Variants in TYW1B observed in about 807,000 individuals in gnomAD.
The protein encoded by TYW1B is tRNA-yW synthesizing protein 1 homolog B, also known as S-adenosyl-L-methionine-dependent tRNA 4-demethylwyosine synthase TYW1B.
Under a neutral mutation model 86.9 loss-of-function variants are expected in TYW1B, and 73 were observed. The observed-to-expected ratio is 0.84, with a 90% CI of 0.70 to 1.02. The LOEUF (loss-of-function observed/expected upper bound fraction) is 1.02, where lower values mean the gene tolerates loss of function less well. TYW1B is among the 50% of genes least tolerant of loss of function. The probability of loss-of-function intolerance (pLI) is 0.00; values close to 1 mark genes in which losing one functional copy is unlikely to be tolerated. For synonymous variants in TYW1B, 248 were observed against 292.8 expected (o/e 0.85, Z 1.56); for missense variants, 637 against 827.4 (o/e 0.77, Z 2.82).
At chr7:72,623,572 C>T (rs13243371) in intron 12 of TYW1B, among the ~76,000 whole-genome samples, 1,877 of 152,232 alleles carry the variant, frequency 0.012, 30 homozygotes, top group African/African-American at 0.043. Flanking sequence ...AAACCCTAGT[C>T]CTGTCTACTA....
intron 7 of TYW1B, among the ~76,000 whole-genome samples, chr7:72,752,765 CTCA>C (rs1237209003): frequency 9.2e-6 from 1 of 108,882 alleles, no homozygotes; most frequent in Non-Finnish European, 2.1e-5. Flanking sequence ...ACAAAAAAAC[CTCA>C]TCAACTTGTA....
At chr7:72,759,701 C>T (rs1210766510) in intron 7 of TYW1B, among the ~76,000 whole-genome samples, 1 of 152,186 alleles carries the variant, frequency 6.6e-6, no homozygotes, top group Non-Finnish European at 1.5e-5. Context: ...ATGAAACTCA[C>T]TGCTTATGGC....
At chr7:72,783,327 G>A (rs1554471923) in intron 6 of TYW1B, among the ~76,000 whole-genome samples, 2 of 150,922 alleles carry the variant, frequency 1.3e-5, no homozygotes. Context: ...GAACCTAGCA[G>A]GCGGAGGTTG....
chr7:72,815,308 T>C (rs1171342401), intron 3 of TYW1B, 72 bp downstream of exon 3: 1 of 1,314,530 alleles, frequency 7.6e-7, no homozygotes. Context: ...AGTTATCTAA[T>C]TAAATTTACT....
intron 13 of TYW1B, among the ~76,000 whole-genome samples, chr7:72,614,911 CAG>C (rs1812032916): frequency 6.6e-6 from 1 of 152,188 alleles, no homozygotes. Context: ...AAAAGCTAGA[CAG>C]GGGCCAAGAT....
At chr7:72,698,117 G>T (rs2844223) in intron 10 of TYW1B, 1 of 152,636 alleles carries the variant, frequency 6.6e-6, no homozygotes, top group Admixed American at 6.6e-5. Context: ...AGACAATCTG[G>T]GGCTGTCAGA....
chr7:72,693,860 T>C (rs1554450889), intron 11 of TYW1B, among the ~76,000 whole-genome samples: 2 of 152,166 alleles, frequency 1.3e-5, no homozygotes, highest in South Asian at 4.1e-4. Context: ...TTACATGGCA[T>C]TTACATTGTA....
intron 13 of TYW1B, among the ~76,000 whole-genome samples, chr7:72,604,403 A>G (rs1224810566): frequency 6.6e-6 from 1 of 152,150 alleles, no homozygotes; most frequent in Non-Finnish European, 1.5e-5. Context: ...TGGAGGTTGC[A>G]GCGAGCTGAG....
rs782379557 is a variant in TYW1B at position 72,777,533 on chromosome 7, T to A, written c.847A>T (p.Arg283Ter). Residue 283 changes from arginine to a stop codon, truncating the protein, a stop_gained and splice_region_variant, in exon 7 of 14, where the codon AGA (arginine) becomes TGA (stop). Coordinates refer to ENST00000620995, the MANE Select transcript of TYW1B (RefSeq NM_001145440.3). LOFTEE classifies it high-confidence loss of function. ...KIMDHVKKEK[R>*]EKEQQEEKSG... ...TTCTCTTCCTGCTGTTCCTTTTCTC[T>A]CTGCATTAAAATAAAAGAATGAAAT... 1.2e-5 allele frequency: 19 copies of A among 1,613,460 alleles called. No individual in the cohort carries two copies. The Admixed American group carries it at 3.0e-4, about 26-fold the overall frequency.
chr7:72,811,766 G>A (rs1788623689), intron 3 of TYW1B, among the ~76,000 whole-genome samples: 1 of 151,530 alleles, frequency 6.6e-6, no homozygotes, highest in Non-Finnish European at 1.5e-5. Context: ...ACAAAAACTA[G>A]GCAGGCGTGG....
intron 11 of TYW1B, among the ~76,000 whole-genome samples, chr7:72,654,451 C>A (rs1554443326): frequency 6.6e-6 from 1 of 152,162 alleles, no homozygotes; most frequent in Non-Finnish European, 1.5e-5. Flanking sequence ...GAGAAACTGT[C>A]CAGCCTAGAG....
chr7:72,632,411 A>ACG (rs1563038808), intron 11 of TYW1B, among the ~76,000 whole-genome samples: 123 of 109,954 alleles, frequency 1.1e-3, no homozygotes, highest in African/African-American at 4.9e-3. Flanking sequence ...ATATATATAT[A>ACG]CATATATATA....
At chr7:72,592,643 T>C (rs1397982321) in intron 13 of TYW1B, among the ~76,000 whole-genome samples, 1 of 152,190 alleles carries the variant, frequency 6.6e-6, no homozygotes, top group Non-Finnish European at 1.5e-5. Flanking sequence ...CTATGCTATC[T>C]ACAATAGATT....
rs1554481830 is a variant in TYW1B, at chr7:72,828,119, G to A, written c.-44C>T. 2 of 1,612,798 alleles carry A rather than the reference G, an allele frequency of 1.2e-6. No individual in the cohort carries two copies. Among genetic ancestry groups the A allele is most frequent in the Admixed American group, 1.7e-5 (1 of 59,772 alleles). Reference sequence around the variant, plus strand: ...GAGACTAGGATCTCGGACCTGGAGAGCCCAAAGGTTCGCACTGGTACTGCG... The same window carrying A: ...GAGACTAGGATCTCGGACCTGGAGAACCCAAAGGTTCGCACTGGTACTGCG... On this transcript the variant is annotated 5_prime_UTR_variant, in exon 1 of 14. Coordinates refer to ENST00000620995, the MANE Select transcript of TYW1B (RefSeq NM_001145440.3).
At chr7:72,603,880 A>G (rs1306177785) in intron 13 of TYW1B, among the ~76,000 whole-genome samples, 1 of 152,194 alleles carries the variant, frequency 6.6e-6, no homozygotes, top group Non-Finnish European at 1.5e-5. Flanking sequence ...AAATAAGGAA[A>G]GTCTGAGAAC....
rs782515973 is a variant in TYW1B at position 72,810,505 on chromosome 7, A to C, written c.398T>G (p.Leu133Arg). ...LKGMRDAVFG[L>R]GNSAYASHFN... ...GTGGCTAGCATAGGCAGAATTTCCC[A>C]GGCCAAATACCGCATCTCTCATACC... Residue 133 changes from leucine (L) to arginine (R), a missense_variant, in exon 4 of 14, where the codon CTG becomes CGG. Coordinates refer to ENST00000620995, the MANE Select transcript of TYW1B (RefSeq NM_001145440.3). 1.2e-5 allele frequency: 20 copies of C among 1,613,616 alleles called. 1 individual carries two copies. The South Asian group carries it at 2.2e-4, about 18-fold the overall frequency.
At chr7:72,765,005 T>C (rs1554468072) in intron 7 of TYW1B, among the ~76,000 whole-genome samples, 1 of 152,182 alleles carries the variant, frequency 6.6e-6, no homozygotes, top group African/African-American at 2.4e-5. Flanking sequence ...TTTATTTATA[T>C]AAATTCAATA....
At chr7:72,587,966 T>TAG (rs1554430761) in intron 13 of TYW1B, among the ~76,000 whole-genome samples, 4 of 152,204 alleles carry the variant, frequency 2.6e-5, no homozygotes, top group Non-Finnish European at 4.4e-5. Flanking sequence ...CAGTGGTATC[T>TAG]TTTGAACTTC....
chr7:72,776,217 G>T (rs1270198262), intron 7 of TYW1B, among the ~76,000 whole-genome samples: 1 of 152,108 alleles, frequency 6.6e-6, no homozygotes, highest in Non-Finnish European at 1.5e-5. Context: ...AATAATGGAA[G>T]TATAGTACTG....
Sources: allele counts gnomAD v4.1 joint callset (sites outside exome capture counted in the v4.1 genomes callset), GRCh38; gene constraint gnomAD v4.1.1; transcripts MANE v1.5; gene names NCBI Gene and HGNC (gene_info 2026-07-23, HGNC 2026-07-21).